KLHL13: variants seen among roughly 807,000 people sequenced by gnomAD.
KLHL13 encodes the protein kelch-like protein 13.
Under a neutral mutation model 37.1 loss-of-function variants are expected in KLHL13, and 10 were observed. The observed-to-expected ratio is 0.27, with a 90% CI of 0.17 to 0.46. KLHL13 has a LOEUF of 0.46. KLHL13 is among the 20% of genes least tolerant of loss of function. The pLI is 1.00. For missense variants in KLHL13, 360 were observed against 509.3 expected, an observed-to-expected ratio of 0.71 and a Z score of 2.82; for synonymous variants, 163 against 181.2, an observed-to-expected ratio of 0.90 and a Z score of 0.81.
At chrX:118,100,943 C>T (rs2055281142) in intron 1 of KLHL13, among the ~76,000 whole-genome samples, 1 of 111,650 alleles carries the variant, frequency 9.0e-6, no homozygotes, top group African/African-American at 3.3e-5. Context: ...TCAATCACCT[C>T]TTTCATGTCT....
chrX:118,011,746 G>A (rs933193964), intron 1 of KLHL13, among the ~76,000 whole-genome samples: 3 of 111,309 alleles, frequency 2.7e-5, no homozygotes, highest in Non-Finnish European at 5.7e-5. Context: ...AGGTACTCAG[G>A]GCTAAGATTA....
At chrX:118,049,020 G>C (rs1381291375) in intron 1 of KLHL13, among the ~76,000 whole-genome samples, 1 of 111,615 alleles carries the variant, frequency 9.0e-6, no homozygotes, top group African/African-American at 3.2e-5. Context: ...TTCAAATAAA[G>C]ATTCCAGTTT....
intron 1 of KLHL13, among the ~76,000 whole-genome samples, chrX:118,090,558 C>T (rs1434404288): frequency 9.0e-6 from 1 of 111,486 alleles, no homozygotes; most frequent in African/African-American, 3.3e-5. Flanking sequence ...CAGAGAAATG[C>T]AAATCAAAAC....
At chrX:117,963,637 C>G (rs59573477) in intron 1 of KLHL13, among the ~76,000 whole-genome samples, 15,556 of 96,997 alleles carry the variant, frequency 0.16, 1,295 homozygotes, top group East Asian at 0.32. Flanking sequence ...CCTGAGGAAT[C>G]GCCACACTGA....
intron 1 of KLHL13, among the ~76,000 whole-genome samples, chrX:117,981,114 T>C (rs1602622595): frequency 8.9e-6 from 1 of 112,243 alleles, no homozygotes; most frequent in African/African-American, 3.2e-5. Context: ...TAGGTCTAAA[T>C]TGTAGACTCT....
intron 1 of KLHL13, among the ~76,000 whole-genome samples, chrX:118,107,940 C>A (rs1297945033): frequency 9.0e-6 from 1 of 111,650 alleles, no homozygotes; most frequent in Non-Finnish European, 1.9e-5. Flanking sequence ...GCAGTCCCAA[C>A]TACTTGGGAG....
intron 1 of KLHL13, 59 bp downstream of exon 1, chrX:118,116,449 G>A (rs1477216009): frequency 8.8e-6 from 1 of 113,093 alleles, no homozygotes; most frequent in Non-Finnish European, 1.9e-5. Context: ...GCGCAGCGCC[G>A]GGTCCGAAGG....
chrX:117,988,156 T>A (rs932760292), intron 1 of KLHL13, among the ~76,000 whole-genome samples: 1 of 112,180 alleles, frequency 8.9e-6, no homozygotes, highest in African/African-American at 3.2e-5. Context: ...TATATTATAT[T>A]TTGATTAGAA....
chrX:118,044,433 GAAA>G (rs145656367), intron 1 of KLHL13, among the ~76,000 whole-genome samples: 1 of 82,882 alleles, frequency 1.2e-5, no homozygotes. Context: ...TTACTCTGAG[GAAA>G]AAAAAAAAAA....
At chrX:118,021,787 G>A (rs1377229462) in intron 1 of KLHL13, among the ~76,000 whole-genome samples, 3 of 111,392 alleles carry the variant, frequency 2.7e-5, no homozygotes, top group Admixed American at 9.5e-5. Context: ...GGCATTTCTG[G>A]TTCTAGATCC....
chrX:117,965,738 G>A (rs1368048126), intron 1 of KLHL13, among the ~76,000 whole-genome samples: 1 of 111,729 alleles, frequency 9.0e-6, no homozygotes, highest in Non-Finnish European at 1.9e-5. Flanking sequence ...TGGGATGCAA[G>A]GCTGGTTCAA....
rs189414188 is a variant in KLHL13, at chrX:118,029,991, A to C, written c.-55-84416T>G. Among the ~76,000 whole-genome samples, 642 of 110,531 alleles carry C rather than the reference A, an allele frequency of 5.8e-3. 5 individuals carry two copies. The highest frequency in any genetic ancestry group is 0.018 in the African/African-American group (554 of 30,437). On this transcript the variant is annotated intron_variant, in intron 1 of 6. Coordinates refer to the KLHL13 transcript ENST00000371882. ...TCAAAAAATAATAATAATAAAAGAAAAGAAAAAGAAAAAAGAAGTTATGTG... is the reference window on the plus strand; with the variant it reads ...TCAAAAAATAATAATAATAAAAGAACAGAAAAAGAAAAAAGAAGTTATGTG...
At chrX:118,015,701 G>A (rs2054120304) in intron 1 of KLHL13, among the ~76,000 whole-genome samples, 1 of 111,327 alleles carries the variant, frequency 9.0e-6, no homozygotes, top group Non-Finnish European at 1.9e-5. Flanking sequence ...ATGAAAACAT[G>A]CAACTCTTCA....
chrX:117,918,580 T>C (rs1270928049), intron 4 of KLHL13, among the ~76,000 whole-genome samples: 1 of 111,684 alleles, frequency 9.0e-6, no homozygotes, highest in Non-Finnish European at 1.9e-5. Flanking sequence ...GTCTTGGCAA[T>C]ATTTCTGTCC....
chrX:118,066,720 A>C (rs2054798110), intron 1 of KLHL13, among the ~76,000 whole-genome samples: 1 of 111,588 alleles, frequency 9.0e-6, no homozygotes, highest in Non-Finnish European at 1.9e-5. Flanking sequence ...CCAGGAAGAA[A>C]AATTGCAACC....
intron 1 of KLHL13, among the ~76,000 whole-genome samples, chrX:118,111,201 T>C (rs2055405986): frequency 8.9e-6 from 1 of 112,628 alleles, no homozygotes; most frequent in South Asian, 3.6e-4. Flanking sequence ...AATTTAGAAA[T>C]GTCCAGACCT....
intron 1 of KLHL13, among the ~76,000 whole-genome samples, chrX:118,011,884 T>C (rs2054073989): frequency 8.9e-6 from 1 of 112,607 alleles, no homozygotes; most frequent in Non-Finnish European, 1.9e-5. Context: ...TACTTTCCTA[T>C]AATTTTTCCA....
intron 1 of KLHL13, among the ~76,000 whole-genome samples, chrX:118,072,094 A>G (rs1386355137): frequency 1.8e-5 from 2 of 109,723 alleles, no homozygotes; most frequent in African/African-American, 6.6e-5. Context: ...ACAAGGCTAC[A>G]GTAACCAAAA....
chrX:118,023,751 T>C (rs2054246857), intron 1 of KLHL13, among the ~76,000 whole-genome samples: 1 of 110,975 alleles, frequency 9.0e-6, no homozygotes, highest in Admixed American at 9.6e-5. Context: ...TTTGTATTTT[T>C]AGTAGAGACA....
Sources: gnomAD v4.1 joint callset for allele counts (sites outside exome capture counted in the v4.1 genomes callset) on GRCh38, gnomAD v4.1.1 for gene constraint, MANE v1.5 for transcripts, NCBI Gene and HGNC (gene_info 2026-07-23, HGNC 2026-07-21) for gene names.